TTC13: variants seen among roughly 807,000 people sequenced by gnomAD.
TTC13 encodes the protein tetratricopeptide repeat domain 13, also known as tetratricopeptide repeat protein 13.
Under a neutral mutation model 120.0 loss-of-function variants are expected in TTC13, and 62 were observed. That is an observed-to-expected ratio of 0.52 (90% CI 0.42 to 0.64). TTC13 has a LOEUF of 0.64. TTC13 is among the 30% of genes least tolerant of loss of function. TTC13 has a pLI of 0.00. For synonymous variants in TTC13, 384 were observed against 393.5 expected (o/e 0.98, Z 0.28); for missense variants, 824 against 1,050.2 (o/e 0.78, Z 2.98).
chr1:230,921,466 TC>T lies in TTC13; in HGVS notation c.1852del (p.Glu618ArgfsTer36). On this transcript the variant is annotated frameshift_variant, in exon 16 of 23. Transcript: ENST00000366661. LOFTEE classifies it high-confidence loss of function. ...GTCTTTAATAAAATGAAGTATTTTC[TC>T]AAAATATTCTAGGTATCTCATGTTG... ...VINMRYLEYF[E>X]KILHFIKDRI... 1 of 1,553,380 alleles carries T rather than the reference TC, an allele frequency of 6.4e-7. No homozygotes were observed. The highest frequency in any genetic ancestry group is 1.9e-5 in the Admixed American group (1 of 52,792).
chr1:230,928,907 A>G, intron 12 of TTC13, 30 bp downstream of exon 12: 2 of 1,609,484 alleles, frequency 1.2e-6, no homozygotes, highest in Non-Finnish European at 1.7e-6. Context: ...GAGAAAGGAA[A>G]AAAAAATCAT....
At chr1:230,948,406 A>G (rs1376835449) in intron 4 of TTC13, among the ~76,000 whole-genome samples, 1 of 151,712 alleles carries the variant, frequency 6.6e-6, no homozygotes. Context: ...AATACAAAAA[A>G]AAAAAAAAAA....
At chr1:230,924,623 C>T (rs1005535950) in intron 14 of TTC13, among the ~76,000 whole-genome samples, 1 of 152,200 alleles carries the variant, frequency 6.6e-6, no homozygotes, top group Non-Finnish European at 1.5e-5. Context: ...TGAGCCACTG[C>T]GCCCAGCCAA....
chr1:230,925,088 T>C (rs1672940210), intron 13 of TTC13, 115 bp from the exon 14 acceptor site: 7 of 1,331,488 alleles, frequency 5.3e-6, no homozygotes, highest in Non-Finnish European at 7.4e-6. Context: ...TCAGAAGTAT[T>C]GGTGATATAA....
chr1:230,948,197 T>C (rs1675188173), intron 4 of TTC13, among the ~76,000 whole-genome samples: 1 of 152,172 alleles, frequency 6.6e-6, no homozygotes, highest in African/African-American at 2.4e-5. Context: ...CATTTTACAT[T>C]ACAATCCAGT....
In TTC13 at chr1:230,920,848, C is replaced by T. The variant is rs530006245; in HGVS notation, c.1899-254G>A. ...ATCTAGAAGGCAAAACAGGAAAAAG[C>T]AGAATGGATCAAAAGCCAGTGTTTG... On this transcript the variant is annotated intron_variant, in intron 16 of 22. Coordinates refer to ENST00000366661, the MANE Select transcript of TTC13 (RefSeq NM_024525.5). Among the ~76,000 whole-genome samples, 55 of 152,252 alleles carry T rather than the reference C, an allele frequency of 3.6e-4. 2 individuals carry two copies. The highest frequency in any genetic ancestry group is 1.2e-3 in the African/African-American group (51 of 41,558).
chr1:230,970,388 AGGG>A (rs1343639114), intron 1 of TTC13, among the ~76,000 whole-genome samples: 1 of 152,172 alleles, frequency 6.6e-6, no homozygotes, highest in East Asian at 1.9e-4. Context: ...CAGTGGCTGG[AGGG>A]GTGTGTGGTC....
intron 9 of TTC13, among the ~76,000 whole-genome samples, chr1:230,932,635 T>C (rs757084200): frequency 3.3e-5 from 5 of 152,218 alleles, no homozygotes; most frequent in Non-Finnish European, 5.9e-5. Flanking sequence ...CTTTCAAATC[T>C]GTTTTCAATT....
chr1:230,906,919 G>A lies in TTC13; in HGVS notation c.2569C>T (p.Leu857Phe). Reference sequence around the variant, plus strand: ...CAGCAGCAGAACTAGAGTTTCTTAAGACAACGTGGAGAAGAGTCTGTGTTT... The same window carrying A: ...CAGCAGCAGAACTAGAGTTTCTTAAAACAACGTGGAGAAGAGTCTGTGTTT... ...VLNTDSSPRC[L>F]KKL Residue 857 changes from leucine to phenylalanine, a missense_variant, in exon 23 of 23, where the codon CTT (leucine) becomes TTT (phenylalanine). Leu to Phe is a conservative substitution (Grantham distance 22). Around this residue, in one of 4 missense-constraint regions of TTC13, gnomAD observed 226 missense variants for 259.1 expected, o/e 0.87. Coordinates refer to ENST00000366661, the MANE Select transcript of TTC13 (RefSeq NM_024525.5). 6.6e-7 allele frequency: 1 copy of A among 1,506,470 alleles called. No homozygotes were observed. The highest frequency in any genetic ancestry group is 8.8e-7 in the Non-Finnish European group (1 of 1,133,496). The allele number at this position is 1,506,470 out of a possible 1,614,324, so 93.3% of individuals were successfully genotyped here.
At position 230,920,560 on chromosome 1, in the gene TTC13, C is replaced by T. The variant is rs780852688; in HGVS notation, c.1933G>A (p.Glu645Lys). The T allele has an allele frequency of 3.8e-6, 6 of 1,598,528 alleles. No individual in the cohort carries two copies. Among genetic ancestry groups the T allele is most frequent in the Non-Finnish European group, 2.6e-6 (3 of 1,174,420 alleles). ...ACTTTGTGTACCTTTTCCAGGGCTT[C>T]CCGAACTTCCAGCAATCCTTTAGGA... Reference protein sequence around the residue: ...NNPKGLLEVREALEKVHKVED... With the variant: ...NNPKGLLEVRKALEKVHKVED... The change falls in exon 17 of 23, where the codon GAA becomes AAA. Residue 645 changes from glutamate (E) to lysine (K), a missense_variant. Coordinates refer to ENST00000366661, the MANE Select transcript of TTC13 (RefSeq NM_024525.5).
chr1:230,976,460 G>C (rs967616559), intron 1 of TTC13, among the ~76,000 whole-genome samples: 3 of 152,186 alleles, frequency 2.0e-5, no homozygotes, highest in African/African-American at 7.2e-5. Flanking sequence ...CAACAACAGA[G>C]TTGGCTTTTG....
intron 22 of TTC13, among the ~76,000 whole-genome samples, chr1:230,907,563 C>CAA (rs1442040591): frequency 1.3e-5 from 2 of 152,232 alleles, no homozygotes; most frequent in East Asian, 1.9e-4. Context: ...GCAAGACCTT[C>CAA]GGCCTGGTGG....
At chr1:230,937,968 T>G (rs1371445229) in intron 8 of TTC13, among the ~76,000 whole-genome samples, 1 of 152,202 alleles carries the variant, frequency 6.6e-6, no homozygotes, top group Non-Finnish European at 1.5e-5. Flanking sequence ...ATTATTGCAC[T>G]AATACGTATT....
At chr1:230,949,780 G>A (rs931866665) in intron 4 of TTC13, among the ~76,000 whole-genome samples, 1 of 152,090 alleles carries the variant, frequency 6.6e-6, no homozygotes, top group Non-Finnish European at 1.5e-5. Context: ...TGAGTAGCTG[G>A]GACTACAGGC....
intron 3 of TTC13, 138 bp downstream of exon 3, chr1:230,958,086 G>T: frequency 1.5e-6 from 1 of 659,648 alleles, no homozygotes; most frequent in African/African-American, 1.9e-5. Flanking sequence ...CACAAGGGCT[G>T]AATGCTCCAT....
intron 17 of TTC13, among the ~76,000 whole-genome samples, chr1:230,919,863 G>A (rs1168482557): frequency 6.6e-6 from 1 of 152,070 alleles, no homozygotes. Context: ...CTCAGCTTTC[G>A]TTCCCACAGT....
At chr1:230,975,621 CAAAG>C (rs1049947021) in intron 1 of TTC13, among the ~76,000 whole-genome samples, 12 of 151,828 alleles carry the variant, frequency 7.9e-5, no homozygotes, top group African/African-American at 2.4e-4. Context: ...TACAAGTAAA[CAAAG>C]AGAGAAGACA....
intron 1 of TTC13, among the ~76,000 whole-genome samples, chr1:230,968,053 G>GAGA (rs1572293449): frequency 6.6e-6 from 1 of 152,204 alleles, no homozygotes; most frequent in East Asian, 1.9e-4. Context: ...CATGGCCTCT[G>GAGA]GAGCTCTGCG....
intron 8 of TTC13, among the ~76,000 whole-genome samples, chr1:230,939,182 C>A (rs537605201): frequency 4.4e-4 from 67 of 152,326 alleles, no homozygotes; most frequent in Non-Finnish European, 8.4e-4. Flanking sequence ...GCTTTGCAAA[C>A]TGTATCCTCT....
Sources: gnomAD v4.1 joint callset for allele counts (sites outside exome capture counted in the v4.1 genomes callset) on GRCh38, gnomAD v4.1.1 for gene constraint, gnomAD v4.1.1 regional missense constraint, MANE v1.5 for transcripts, NCBI Gene and HGNC (gene_info 2026-07-23, HGNC 2026-07-21) for gene names.